The following RBFOX1 variants were observed in gnomAD, a reference collection of about 807,000 sequenced individuals.
RBFOX1 encodes the protein RNA binding protein fox-1 homolog 1.
A neutral mutation model predicts 57.7 loss-of-function variants in RBFOX1; 8 were observed. The observed-to-expected ratio is 0.14, with a 90% CI of 0.08 to 0.25. The LOEUF (loss-of-function observed/expected upper bound fraction) is 0.25, where lower values mean the gene tolerates loss of function less well. Among genes scored for constraint, RBFOX1 ranks in the 10% least tolerant of loss-of-function variants. The pLI, the probability that RBFOX1 is intolerant of heterozygous loss-of-function variation, is 1.00. For synonymous variants in RBFOX1, 326 were observed against 222.4 expected (o/e 1.47, Z -4.15); for missense variants, 611 against 548.5 (o/e 1.11, Z -1.14).
intron 4 of RBFOX1, among the ~76,000 whole-genome samples, chr16:7,374,106 G>C (rs1270225708): frequency 6.6e-6 from 1 of 152,200 alleles, no homozygotes; most frequent in Non-Finnish European, 1.5e-5. Context: ...AGCTCTGATG[G>C]TGTGGAACGA....
intron 1 of RBFOX1, among the ~76,000 whole-genome samples, chr16:6,119,799 C>T (rs191722868): frequency 6.6e-6 from 1 of 152,256 alleles, no homozygotes; most frequent in East Asian, 1.9e-4. Context: ...CATGTCTGGC[C>T]CCATTAACCT....
At chr16:7,320,192 C>G (rs1416647352) in intron 4 of RBFOX1, among the ~76,000 whole-genome samples, 1 of 152,050 alleles carries the variant, frequency 6.6e-6, no homozygotes, top group East Asian at 1.9e-4. Flanking sequence ...GTATTAAGCC[C>G]CATGTTCATC....
intron 4 of RBFOX1, among the ~76,000 whole-genome samples, chr16:7,467,009 G>A (rs752619911): frequency 1.4e-4 from 21 of 152,250 alleles, no homozygotes; most frequent in African/African-American, 2.4e-4. Context: ...AAACAGAGGC[G>A]AACCAAACAG....
At chr16:6,265,407 G>A (rs554927702) in intron 1 of RBFOX1, among the ~76,000 whole-genome samples, 1 of 152,024 alleles carries the variant, frequency 6.6e-6, no homozygotes, top group South Asian at 2.1e-4. Flanking sequence ...GATTACAGGT[G>A]AGCACCACCG....
intron 4 of RBFOX1, among the ~76,000 whole-genome samples, chr16:7,085,512 G>A (rs1304218340): frequency 1.3e-5 from 2 of 152,084 alleles, no homozygotes; most frequent in Non-Finnish European, 2.9e-5. Context: ...CACCACCACT[G>A]CATCCCGGGT....
At chr16:5,266,936 G>C (rs1431216170) in intron 1 of RBFOX1, among the ~76,000 whole-genome samples, 2 of 152,034 alleles carry the variant, frequency 1.3e-5, no homozygotes, top group East Asian at 1.9e-4. Context: ...ATTCAATAAA[G>C]CATTTAGAAA....
At chr16:5,427,665 G>C (rs1439427216) in intron 1 of RBFOX1, among the ~76,000 whole-genome samples, 2 of 152,048 alleles carry the variant, frequency 1.3e-5, no homozygotes, top group Non-Finnish European at 2.9e-5. Flanking sequence ...GGAGGCTCAG[G>C]ACATAGACAA....
intron 3 of RBFOX1, among the ~76,000 whole-genome samples, chr16:7,024,133 A>G (rs1404284082): frequency 6.6e-6 from 1 of 152,152 alleles, no homozygotes; most frequent in African/African-American, 2.4e-5. Context: ...GACATGCTTT[A>G]TGTTATCATA....
chr16:7,695,492 A>T (rs2078508805), intron 14 of RBFOX1, among the ~76,000 whole-genome samples: 1 of 151,926 alleles, frequency 6.6e-6, no homozygotes. Context: ...ATCTCTACTA[A>T]AAATACAAAA....
intron 1 of RBFOX1, among the ~76,000 whole-genome samples, chr16:5,449,579 T>C (rs752405515): frequency 1.3e-5 from 2 of 152,128 alleles, no homozygotes; most frequent in Non-Finnish European, 2.9e-5. Flanking sequence ...CAGTCTAATA[T>C]TGACTTGGAA....
intron 1 of RBFOX1, among the ~76,000 whole-genome samples, chr16:5,454,926 TCTTCCTTCCTTC>T (rs1162105535): frequency 0.016 from 868 of 54,658 alleles, 35 homozygotes; most frequent in Admixed American, 0.028. Context: ...TTTGTTTCTT[TCTTCCTTCCTTC>T]CTTCCTTCCT....
intron 3 of RBFOX1, among the ~76,000 whole-genome samples, chr16:5,746,473 A>G (rs1240922968): frequency 6.6e-6 from 1 of 152,200 alleles, no homozygotes; most frequent in African/African-American, 2.4e-5. Context: ...CAATTCTGTG[A>G]AGAAAGTCAT....
intron 5 of RBFOX1, among the ~76,000 whole-genome samples, chr16:7,534,086 CTTT>C (rs529708813): frequency 1.5e-5 from 2 of 129,908 alleles, no homozygotes; most frequent in Non-Finnish European, 1.6e-5. Flanking sequence ...CGTTTTTTTT[CTTT>C]TTTTTTTTTT....
chr16:6,890,405 G>T (rs1365725076), intron 3 of RBFOX1, among the ~76,000 whole-genome samples: 1 of 152,202 alleles, frequency 6.6e-6, no homozygotes, highest in Non-Finnish European at 1.5e-5. Context: ...TGTAGTCCCA[G>T]CCACTTGGAA....
At chr16:7,372,251 G>T (rs2097580190) in intron 4 of RBFOX1, among the ~76,000 whole-genome samples, 1 of 152,118 alleles carries the variant, frequency 6.6e-6, no homozygotes, top group African/African-American at 2.4e-5. Context: ...TTCACGTAAG[G>T]ATGAGTAACC....
chr16:7,305,913 G>C (rs2096171933), intron 4 of RBFOX1, among the ~76,000 whole-genome samples: 1 of 152,096 alleles, frequency 6.6e-6, no homozygotes, highest in Non-Finnish European at 1.5e-5. Flanking sequence ...CTGTGCCTTT[G>C]CTGTGGGTGT....
intron 14 of RBFOX1, among the ~76,000 whole-genome samples, chr16:7,690,830 G>A (rs1272845949): frequency 6.6e-6 from 1 of 152,100 alleles, no homozygotes; most frequent in Non-Finnish European, 1.5e-5. Context: ...TGAAACAGCT[G>A]TACATAAAAT....
intron 3 of RBFOX1, among the ~76,000 whole-genome samples, chr16:6,790,548 T>C (rs1166426674): frequency 1.3e-5 from 2 of 152,164 alleles, no homozygotes; most frequent in Non-Finnish European, 2.9e-5. Context: ...TCCTTTCCTA[T>C]TTAGCCTCTA....
intron 2 of RBFOX1, among the ~76,000 whole-genome samples, chr16:6,639,200 G>A (rs534261955): frequency 3.3e-5 from 5 of 152,148 alleles, no homozygotes; most frequent in African/African-American, 9.7e-5. Context: ...GCTGTGCTGC[G>A]CCTTCTTTAA....
Sources: gnomAD v4.1 joint callset for allele counts (sites outside exome capture counted in the v4.1 genomes callset) on GRCh38, gnomAD v4.1.1 for gene constraint, MANE v1.5 for transcripts, NCBI Gene and HGNC (gene_info 2026-07-23, HGNC 2026-07-21) for gene names.